FBXW11: variants seen among roughly 807,000 people sequenced by gnomAD.
FBXW11 encodes F-box/WD repeat-containing protein 11.
Under a neutral mutation model 77.6 loss-of-function variants are expected in FBXW11, and 19 were observed. The observed-to-expected ratio is 0.24, with a 90% CI of 0.17 to 0.36. The LOEUF is 0.36. FBXW11 is among the 10% of genes least tolerant of loss of function. The pLI is 1.00. For synonymous variants in FBXW11, 235 were observed against 249.4 expected (o/e 0.94, Z 0.54); for missense variants, 334 against 704.2 (o/e 0.47, Z 5.95).
chr5:171,911,816 T>C (rs1439595735), intron 3 of FBXW11, among the ~76,000 whole-genome samples: 1 of 152,180 alleles, frequency 6.6e-6, no homozygotes, highest in Non-Finnish European at 1.5e-5. Context: ...ACATTAAAAA[T>C]AATCTCAATC....
At chr5:171,955,238 A>G (rs191378638) in intron 2 of FBXW11, among the ~76,000 whole-genome samples, 3 of 152,336 alleles carry the variant, frequency 2.0e-5, no homozygotes, top group Admixed American at 2.0e-4. Flanking sequence ...ATTCAGCCAT[A>G]TAGACAGGTC....
intron 2 of FBXW11, among the ~76,000 whole-genome samples, chr5:171,920,467 T>G (rs968843973): frequency 6.7e-6 from 1 of 149,272 alleles, no homozygotes; most frequent in African/African-American, 2.5e-5. Flanking sequence ...GATTTACTCC[T>G]GTAAATCCCA....
intron 2 of FBXW11, among the ~76,000 whole-genome samples, chr5:171,922,959 G>T (rs1179092050): frequency 1.3e-5 from 2 of 152,104 alleles, no homozygotes; most frequent in Non-Finnish European, 2.9e-5. Context: ...CTGCTGCCCA[G>T]GCTAGAGTGC....
At chr5:171,940,894 A>AT (rs1762718094) in intron 2 of FBXW11, among the ~76,000 whole-genome samples, 1 of 46,134 alleles carries the variant, frequency 2.2e-5, no homozygotes, top group Admixed American at 2.8e-4. Context: ...TCAAAAAAAA[A>AT]AAGATACAGA....
intron 1 of FBXW11, among the ~76,000 whole-genome samples, chr5:171,995,670 C>T (rs1765998433): frequency 6.6e-6 from 1 of 152,154 alleles, no homozygotes; most frequent in South Asian, 2.1e-4. Context: ...AGGAGAATGG[C>T]ATGAACCAGG....
intron 7 of FBXW11, among the ~76,000 whole-genome samples, chr5:171,880,095 G>A (rs180942876): frequency 4.0e-4 from 61 of 152,238 alleles, no homozygotes; most frequent in Admixed American, 7.2e-4. Flanking sequence ...AATCCATTTT[G>A]AGTTAATTTT....
chr5:171,862,475 G>T lies in FBXW11; in HGVS notation c.*1652C>A, dbSNP rs1419142366. ...GTAGAGTGTGCTTCCACGGGAAGAG[G>T]TTTACTTTATAGGAGGCTGTTTATT... is the stretch of plus-strand genomic sequence containing the variant. On this transcript the variant is annotated 3_prime_UTR_variant, in exon 14 of 14. Transcript: ENST00000517395. 2 of 152,662 alleles carry T rather than the reference G, an allele frequency of 1.3e-5. No homozygotes were observed. The highest frequency in any genetic ancestry group is 2.1e-4 in the South Asian group (1 of 4,826). 9.5% of individuals were successfully genotyped at this position (152,662 alleles called of 1,614,324 possible).
intron 2 of FBXW11, among the ~76,000 whole-genome samples, chr5:171,953,220 T>G (rs1763436328): frequency 6.6e-6 from 1 of 152,140 alleles, no homozygotes; most frequent in Non-Finnish European, 1.5e-5. Context: ...GGTCTCAAAC[T>G]CCTGCCCTCA....
chr5:171,973,873 AAC>A lies in FBXW11; in HGVS notation c.46-16177_46-16176del, dbSNP rs1764670326. 3.9e-5 allele frequency among the ~76,000 whole-genome samples: 6 copies of A among 152,334 alleles called. 1 individual carries two copies. In the South Asian group the frequency reaches 1.2e-3, roughly 32 times the overall value. On this transcript the variant is annotated intron_variant, in intron 1 of 13. Coordinates refer to ENST00000517395, the MANE Select transcript of FBXW11 (RefSeq NM_001378974.1). ...CTATTAATTTAAAATATATTTATGA[AAC>A]AGGCAAATATGAACATTATTTGATA...
At chr5:171,888,464 G>C (rs1759066653) in intron 7 of FBXW11, among the ~76,000 whole-genome samples, 1 of 152,174 alleles carries the variant, frequency 6.6e-6, no homozygotes, top group South Asian at 2.1e-4. Context: ...TATTGCAAAG[G>C]CTTTGAACAG....
intron 2 of FBXW11, among the ~76,000 whole-genome samples, chr5:171,938,250 G>A (rs1581228441): frequency 6.6e-6 from 1 of 152,158 alleles, no homozygotes; most frequent in Non-Finnish European, 1.5e-5. Context: ...ATTTTGTAGA[G>A]ACAGGGTCTC....
At position 171,931,309 on chromosome 5, in the gene FBXW11, C is replaced by T. The variant is rs570965906; in HGVS notation, c.148-16904G>A. 6.2e-4 allele frequency among the ~76,000 whole-genome samples: 94 copies of T among 152,272 alleles called. 1 individual carries two copies. The highest frequency in any genetic ancestry group is 2.1e-3 in the African/African-American group (86 of 41,548). ...AGGCACTACAAAACTACAGTATTCA[C>T]GAAAGTGAAAGTGTGGTACTGGCAA... is the stretch of plus-strand genomic sequence containing the variant. On this transcript the variant is annotated intron_variant, in intron 2 of 13. Transcript: ENST00000517395.
At position 172,006,246 on chromosome 5, in the gene FBXW11, G is replaced by A. The variant is rs994388154; in HGVS notation, c.45+212C>T. 4.6e-5 allele frequency among the ~76,000 whole-genome samples: 7 copies of A among 152,210 alleles called. 1 individual carries two copies. The highest frequency in any genetic ancestry group is 3.2e-3 in the Middle Eastern group (1 of 316). On this transcript the variant is annotated intron_variant, in intron 1 of 13. Coordinates refer to ENST00000517395, the MANE Select transcript of FBXW11 (RefSeq NM_001378974.1). The stretch of plus-strand genomic sequence containing the variant: ...ACCAGGGGGAGGGGGAGAAGCGAGG[G>A]GCATGGAGGGGGCCGGGCCAGGACC...
At chr5:171,921,731 G>C in intron 2 of FBXW11, among the ~76,000 whole-genome samples, 1 of 152,254 alleles carries the variant, frequency 6.6e-6, no homozygotes, top group East Asian at 1.9e-4. Context: ...TGAAAAGCAA[G>C]ATTCAAAAAG....
intron 6 of FBXW11, among the ~76,000 whole-genome samples, chr5:171,896,449 CAT>C (rs1759750278): frequency 6.6e-6 from 1 of 152,174 alleles, no homozygotes; most frequent in African/African-American, 2.4e-5. Context: ...GATCTTAACT[CAT>C]ACCCTTTTTT....
At chr5:171,965,682 T>C (rs1764147561) in intron 1 of FBXW11, among the ~76,000 whole-genome samples, 2 of 152,210 alleles carry the variant, frequency 1.3e-5, no homozygotes, top group Admixed American at 1.3e-4. Flanking sequence ...AATGACCACC[T>C]AGTACTCATA....
chr5:171,868,842 C>T, intron 12 of FBXW11, 46 bp from the exon 13 acceptor site: 1 of 1,545,674 alleles, frequency 6.5e-7, no homozygotes, highest in African/African-American at 1.4e-5. Flanking sequence ...CTTTACAGCC[C>T]CTGATATCTC....
At chr5:171,900,430 C>T (rs139696245) in intron 4 of FBXW11, among the ~76,000 whole-genome samples, 2 of 152,208 alleles carry the variant, frequency 1.3e-5, no homozygotes, top group Non-Finnish European at 2.9e-5. Flanking sequence ...GCAATGACGC[C>T]CCAAGTTTGA....
At chr5:171,884,965 G>A (rs535792115) in intron 7 of FBXW11, among the ~76,000 whole-genome samples, 22 of 152,156 alleles carry the variant, frequency 1.4e-4, no homozygotes, top group Non-Finnish European at 2.5e-4. Flanking sequence ...GAAGGGAAGC[G>A]TTCTATAGTT....
Sources: gnomAD v4.1 joint callset for allele counts (sites outside exome capture counted in the v4.1 genomes callset) on GRCh38, gnomAD v4.1.1 for gene constraint, MANE v1.5 for transcripts, NCBI Gene and HGNC (gene_info 2026-07-23, HGNC 2026-07-21) for gene names.